PTPRN2: variants seen among roughly 807,000 people sequenced by gnomAD.
PTPRN2 encodes the protein protein tyrosine phosphatase receptor type N2, also known as receptor-type tyrosine-protein phosphatase N2.
A neutral mutation model predicts 118.8 loss-of-function variants in PTPRN2; 74 were observed. That is an observed-to-expected ratio of 0.62 (90% CI 0.52 to 0.76). The LOEUF is 0.76. PTPRN2 is among the 30% of genes least tolerant of loss of function. The pLI is 0.00. For synonymous variants in PTPRN2, 641 were observed against 608.0 expected (o/e 1.05, Z -0.80); for missense variants, 1,481 against 1,394.4 (o/e 1.06, Z -0.99).
intron 1 of PTPRN2, among the ~76,000 whole-genome samples, chr7:158,514,364 G>C (rs1440423553): frequency 6.6e-6 from 1 of 152,192 alleles, no homozygotes; most frequent in East Asian, 1.9e-4. Context: ...ATGACCCCAG[G>C]ATGGCAGCAA....
At chr7:158,019,071 G>A (rs541620948) in intron 11 of PTPRN2, among the ~76,000 whole-genome samples, 161 of 150,612 alleles carry the variant, frequency 1.1e-3, no homozygotes, top group Non-Finnish European at 1.9e-3. Flanking sequence ...CGTGACCCAC[G>A]CTAGCATGAG....
intron 4 of PTPRN2, among the ~76,000 whole-genome samples, chr7:158,192,935 G>T (rs1257011214): frequency 6.6e-6 from 1 of 152,190 alleles, no homozygotes; most frequent in Non-Finnish European, 1.5e-5. Flanking sequence ...GAAGGTGGCG[G>T]CCCAGAAGCT....
At chr7:158,268,225 G>A (rs180688967) in intron 3 of PTPRN2, among the ~76,000 whole-genome samples, 22 of 150,672 alleles carry the variant, frequency 1.5e-4, no homozygotes, top group Admixed American at 4.0e-4. Flanking sequence ...CACACAGAGC[G>A]GGGTGTGAGA....
intron 22 of PTPRN2, among the ~76,000 whole-genome samples, chr7:157,543,129 T>C (rs1473797520): frequency 2.6e-5 from 4 of 152,032 alleles, no homozygotes. Flanking sequence ...AGGAGTAAAA[T>C]ACAACAGCAA....
intron 13 of PTPRN2, among the ~76,000 whole-genome samples, chr7:157,656,919 C>CAT (rs1806164144): frequency 9.0e-5 from 13 of 144,804 alleles, no homozygotes; most frequent in South Asian, 2.2e-4. Flanking sequence ...TATACACACA[C>CAT]ACACGCCACA....
chr7:157,924,020 C>T (rs908133187), intron 11 of PTPRN2, among the ~76,000 whole-genome samples: 1 of 152,122 alleles, frequency 6.6e-6, no homozygotes, highest in African/African-American at 2.4e-5. Context: ...TGGGAGACCC[C>T]ATGGGCACCC....
In PTPRN2 at chr7:157,836,672, T is replaced by TC. The variant is rs905051564; in HGVS notation, c.1788+62000dup. On this transcript the variant is annotated intron_variant, in intron 12 of 22. Coordinates refer to ENST00000389418, the MANE Select transcript of PTPRN2 (RefSeq NM_002847.5). The stretch of plus-strand genomic sequence containing the variant: ...CAAATAGTAAGCATTTTCTAAGTTT[T>TC]CCACGCTAAGTGTTCAATAGACACA... Among the ~76,000 whole-genome samples, 5 of 152,046 alleles carry TC rather than the reference T, an allele frequency of 3.3e-5. No individual in the cohort carries two copies. In the South Asian group the frequency reaches 6.2e-4, roughly 19 times the overall value.
At chr7:158,492,211 G>A (rs762473370) in intron 1 of PTPRN2, among the ~76,000 whole-genome samples, 10 of 152,234 alleles carry the variant, frequency 6.6e-5, no homozygotes, top group East Asian at 1.9e-4. Context: ...GTCGTGGAAC[G>A]TCCCTGGTCC....
In PTPRN2 at chr7:157,855,347, C is replaced by G. The variant is rs561887088; in HGVS notation, c.1788+43326G>C. ...TAAGTGACAGACTCAAACACCTGAG[C>G]AACAAGTTTCCTGGGGTCACCTAAT... On this transcript the variant is annotated intron_variant, in intron 12 of 22. Transcript: ENST00000389418. 2.0e-4 allele frequency among the ~76,000 whole-genome samples: 31 copies of G among 152,310 alleles called. No individual in the cohort carries two copies. In the South Asian group the frequency reaches 4.4e-3, roughly 21 times the overall value.
At chr7:157,567,314 T>C (rs1799537748) in intron 21 of PTPRN2, among the ~76,000 whole-genome samples, 1 of 152,226 alleles carries the variant, frequency 6.6e-6, no homozygotes, top group African/African-American at 2.4e-5. Context: ...TTCCCACCAC[T>C]AAACTAATCT....
At chr7:158,278,630 C>T (rs375601179) in intron 3 of PTPRN2, among the ~76,000 whole-genome samples, 1 of 152,242 alleles carries the variant, frequency 6.6e-6, no homozygotes, top group Non-Finnish European at 1.5e-5. Flanking sequence ...TTCTTGGTCT[C>T]GCTGACTTCA....
At chr7:157,807,466 C>T (rs1268556816) in intron 12 of PTPRN2, among the ~76,000 whole-genome samples, 2 of 152,178 alleles carry the variant, frequency 1.3e-5, no homozygotes, top group Non-Finnish European at 2.9e-5. Flanking sequence ...CCAGATGTCT[C>T]CTCTGGTCCC....
intron 3 of PTPRN2, among the ~76,000 whole-genome samples, chr7:158,252,128 G>T (rs1034419559): frequency 4.6e-5 from 7 of 152,154 alleles, no homozygotes; most frequent in Non-Finnish European, 8.8e-5. Flanking sequence ...AGTTGCCATG[G>T]CAACTCTGCT....
chr7:158,053,592 G>T (rs1809495424), intron 11 of PTPRN2, among the ~76,000 whole-genome samples: 1 of 152,186 alleles, frequency 6.6e-6, no homozygotes, highest in Non-Finnish European at 1.5e-5. Flanking sequence ...ACGTAAAGAG[G>T]TTCAATAGGT....
rs1391359706 is a variant in PTPRN2, at chr7:157,583,975, T to C, written c.2497-5835A>G. Among the ~76,000 whole-genome samples the C allele has an allele frequency of 6.6e-6, 1 of 150,634 alleles. No individual in the cohort carries two copies. The highest frequency in any genetic ancestry group is 1.5e-5 in the Non-Finnish European group (1 of 67,832). Reference sequence around the variant, plus strand: ...CTCCTGAAGCCCCACAGAGACCTGATTTAAGGGAAGATGATCAATCTGAAA... The same window carrying C: ...CTCCTGAAGCCCCACAGAGACCTGACTTAAGGGAAGATGATCAATCTGAAA... On this transcript the variant is annotated intron_variant, in intron 17 of 22. Coordinates refer to ENST00000389418, the MANE Select transcript of PTPRN2 (RefSeq NM_002847.5). This position sits in a 1 kb window ranked among gnomAD's most constrained non-coding sequence, Gnocchi z 5.5.
At chr7:158,054,985 A>C (rs1201166556) in intron 11 of PTPRN2, among the ~76,000 whole-genome samples, 1 of 152,208 alleles carries the variant, frequency 6.6e-6, no homozygotes, top group African/African-American at 2.4e-5. Flanking sequence ...CTGTGGTCAG[A>C]GCTGTGGGCG....
At chr7:158,428,483 C>T (rs1815922067) in intron 2 of PTPRN2, among the ~76,000 whole-genome samples, 1 of 152,198 alleles carries the variant, frequency 6.6e-6, no homozygotes, top group Admixed American at 6.5e-5. Context: ...CGGCTGCTGG[C>T]ATTGGCTGTT....
At chr7:157,819,356 C>G (rs1232713828) in intron 12 of PTPRN2, among the ~76,000 whole-genome samples, 1 of 152,214 alleles carries the variant, frequency 6.6e-6, no homozygotes, top group Non-Finnish European at 1.5e-5. Context: ...GCTCAGCTGG[C>G]TCTGTCGGCT....
chr7:157,934,446 A>G (rs892007392), intron 11 of PTPRN2, among the ~76,000 whole-genome samples: 7 of 152,238 alleles, frequency 4.6e-5, no homozygotes, highest in Non-Finnish European at 1.0e-4. Context: ...GAGGGAAAGA[A>G]AATCTGAACC....
Sources: allele counts gnomAD v4.1 joint callset (sites outside exome capture counted in the v4.1 genomes callset), GRCh38; gene constraint gnomAD v4.1.1; non-coding constraint Gnocchi (gnomAD v3.1); transcripts MANE v1.5; gene names NCBI Gene and HGNC (gene_info 2026-07-23, HGNC 2026-07-21).